Variants in PTPN3 observed in about 807,000 individuals in gnomAD.
PTPN3 encodes the protein protein tyrosine phosphatase non-receptor type 3.
In PTPN3, 96 loss-of-function variants were observed where a neutral mutation model predicts 132.7. The ratio of observed to expected loss-of-function variants is 0.72; its 90% CI spans 0.61 to 0.86. The LOEUF (loss-of-function observed/expected upper bound fraction) is 0.86, where lower values mean the gene tolerates loss of function less well. PTPN3 is among the 40% of genes least tolerant of loss of function. PTPN3 has a pLI of 0.00. For synonymous variants in PTPN3, 398 were observed against 429.0 expected (o/e 0.93, Z 0.89); for missense variants, 1,125 against 1,159.6 (o/e 0.97, Z 0.43).
At chr9:109,501,535 G>A (rs1179333740), upstream of PTPN3, among the ~76,000 whole-genome samples, 2 of 152,186 alleles carry the variant, frequency 1.3e-5, no homozygotes, top group South Asian at 2.1e-4. Context: ...GGGCCAAAAT[G>A]TTAAAGTCTA....
At chr9:109,522,761 G>A in the PTPN3 span, among the ~76,000 whole-genome samples, 1 of 152,278 alleles carries the variant, frequency 6.6e-6, no homozygotes, top group East Asian at 1.9e-4. Context: ...TGCATGAGAT[G>A]TTTATTAAAG....
chr9:109,433,918 A>T (rs75045415), intron 9 of PTPN3, among the ~76,000 whole-genome samples: 2,629 of 61,250 alleles, frequency 0.043, 143 homozygotes, highest in African/African-American at 0.098. Flanking sequence ...ACTCTGTTTA[A>T]AAAAAAAAAA....
chr9:109,378,248 A>G lies in PTPN3; in HGVS notation c.*1308T>C, dbSNP rs1466265545. ...CAAAAATACCACATTAAATGTTTAC[A>G]CAATTTATTTTCCTTAAATAATAAT... On this transcript the variant is annotated 3_prime_UTR_variant, in exon 26 of 26. Coordinates refer to ENST00000374541, the MANE Select transcript of PTPN3 (RefSeq NM_002829.4). 1 of 152,322 alleles carries G rather than the reference A, an allele frequency of 6.6e-6. No homozygotes were observed. Among genetic ancestry groups the G allele is most frequent in the East Asian group, 1.9e-4 (1 of 5,208 alleles). The allele number at this position is 152,322 out of a possible 1,614,324, so 9.4% of individuals were successfully genotyped here.
intron 5 of PTPN3, chr9:109,449,538 C>T: frequency 1.0e-6 from 1 of 985,556 alleles, no homozygotes; most frequent in Non-Finnish European, 1.2e-6. Flanking sequence ...GGCCCCTCAG[C>T]CTGTGACTTT....
At position 109,422,804 on chromosome 9, in the gene PTPN3, C is replaced by G. The variant is rs1392233871; in HGVS notation, c.1050G>C (p.Trp350Cys). 6.2e-7 allele frequency: 1 copy of G among 1,612,378 alleles called. No individual in the cohort carries two copies. Among genetic ancestry groups the G allele is most frequent in the Admixed American group, 1.7e-5 (1 of 59,996 alleles). The change falls in exon 13 of 26, where the codon TGG becomes TGC. Residue 350 changes from tryptophan to cysteine, a missense_variant. Coordinates refer to ENST00000374541, the MANE Select transcript of PTPN3 (RefSeq NM_002829.4). ...ATAAGGATCTCCGCATGGCTGGGTT[C>G]CACACCATCCCGCCAATCACCTTTT... ...YCKKVIGGMV[W>C]NPAMRRSLSV...
At chr9:109,437,073 T>C in intron 8 of PTPN3, 103 bp from the exon 9 acceptor site, 3 of 1,519,408 alleles carry the variant, frequency 2.0e-6, no homozygotes, top group South Asian at 1.3e-5. Context: ...TGTAAGGTTA[T>C]TAAATGCCTT....
intron 2 of PTPN3, 82 bp from the exon 3 acceptor site, chr9:109,457,481 T>C (rs1450370519): frequency 3.6e-6 from 4 of 1,121,820 alleles, no homozygotes; most frequent in African/African-American, 1.6e-5. Flanking sequence ...CAAAAAAGAG[T>C]TAAAATATTC....
the PTPN3 span, chr9:109,533,902 G>A: frequency 4.0e-6 from 3 of 755,900 alleles, no homozygotes; most frequent in East Asian, 7.3e-5. Context: ...ATCTATAAGG[G>A]TTACGGTCTG....
At position 109,445,230 on chromosome 9, in the gene PTPN3, T is replaced by C; in HGVS notation, c.466+10A>G. 6.2e-7 allele frequency: 1 copy of C among 1,611,728 alleles called. No homozygotes were observed. The highest frequency in any genetic ancestry group is 1.1e-5 in the South Asian group (1 of 91,020). ...CTGTCCATCCGTGAAATGCTCCCTT[T>C]GTGACTTACATTGTACGGCATAGGA... On this transcript the variant is annotated intron_variant, in intron 7 of 25. Transcript: ENST00000374541.
At chr9:109,456,192 C>A (rs552638191) in intron 4 of PTPN3, among the ~76,000 whole-genome samples, 1 of 152,224 alleles carries the variant, frequency 6.6e-6, no homozygotes, top group African/African-American at 2.4e-5. Context: ...TGCGCACCTG[C>A]GTGCGCAAAT....
At chr9:109,512,015 A>G in the PTPN3 span, among the ~76,000 whole-genome samples, 1 of 152,104 alleles carries the variant, frequency 6.6e-6, no homozygotes, top group African/African-American at 2.4e-5. Context: ...AAATATGCCC[A>G]CCTCTGGAGA....
chr9:109,450,550 C>T, intron 5 of PTPN3: 1 of 985,178 alleles, frequency 1.0e-6, no homozygotes, highest in Non-Finnish European at 1.2e-6. Context: ...GAGTCAACCC[C>T]ATGGCATCAT....
chr9:109,400,704 G>T (rs893044542), intron 19 of PTPN3, among the ~76,000 whole-genome samples: 9 of 152,224 alleles, frequency 5.9e-5, no homozygotes, highest in Non-Finnish European at 1.0e-4. Flanking sequence ...GTCCAAGACT[G>T]TGTTCCCTCA....
At chr9:109,471,176 C>G (rs1246614255) in intron 1 of PTPN3, among the ~76,000 whole-genome samples, 1 of 151,944 alleles carries the variant, frequency 6.6e-6, no homozygotes, top group Non-Finnish European at 1.5e-5. Flanking sequence ...TGTGCCTCAG[C>G]CTCCCGAGTA....
rs1209964027 is a variant in PTPN3, at chr9:109,391,049, G to A, written c.2106+89C>T. 5.0e-6 allele frequency: 6 copies of A among 1,206,116 alleles called. No individual in the cohort carries two copies. The Admixed American group carries it at 1.2e-4, about 24-fold the overall frequency. 74.7% of individuals were successfully genotyped at this position (1,206,116 alleles called of 1,614,324 possible). On this transcript the variant is annotated intron_variant, in intron 21 of 25. Transcript: ENST00000374541. ...ATGCGGTGGTGAACGGGAAAGCACT[G>A]TGTCAACTGCAAAGCCCCACACAGG...
chr9:109,413,942 A>C (rs1842278858), intron 14 of PTPN3, among the ~76,000 whole-genome samples: 1 of 152,174 alleles, frequency 6.6e-6, no homozygotes, highest in Admixed American at 6.5e-5. Context: ...CGCCTGTGAA[A>C]GGAGGCAAAG....
the PTPN3 span, among the ~76,000 whole-genome samples, chr9:109,508,618 G>C: frequency 2.0e-5 from 3 of 152,132 alleles, no homozygotes; most frequent in African/African-American, 4.8e-5. Context: ...CAAAAAAATT[G>C]CTTGCTTTTC....
At chr9:109,420,833 T>C (rs528828377) in intron 13 of PTPN3, among the ~76,000 whole-genome samples, 1 of 152,278 alleles carries the variant, frequency 6.6e-6, no homozygotes, top group South Asian at 2.1e-4. Context: ...CTCAGCTGTA[T>C]AAACAGGCAG....
the PTPN3 span, among the ~76,000 whole-genome samples, chr9:109,503,423 G>T: frequency 6.6e-6 from 1 of 152,084 alleles, no homozygotes; most frequent in Non-Finnish European, 1.5e-5. Flanking sequence ...TGTCTTTCTC[G>T]GCTGGGCAAG....
Sources: gnomAD v4.1 joint callset for allele counts (sites outside exome capture counted in the v4.1 genomes callset) on GRCh38, gnomAD v4.1.1 for gene constraint, MANE v1.5 for transcripts, NCBI Gene and HGNC (gene_info 2026-07-23, HGNC 2026-07-21) for gene names.